ADAMTS17: variants seen among roughly 807,000 people sequenced by gnomAD.
The protein encoded by ADAMTS17 is ADAM metallopeptidase with thrombospondin type 1 motif 17, also known as A disintegrin and metalloproteinase with thrombospondin motifs 17.
ADAMTS17 carries 113 observed loss-of-function variants against 141.5 expected under a neutral mutation model. The observed-to-expected ratio is 0.80, with a 90% CI of 0.69 to 0.93. ADAMTS17 has a LOEUF of 0.93. ADAMTS17 is among the 40% of genes least tolerant of loss of function. The pLI is 0.00. For missense variants in ADAMTS17, 1,659 were observed against 1,517.9 expected, an observed-to-expected ratio of 1.09 and a Z score of -1.54; for synonymous variants, 768 against 630.6, an observed-to-expected ratio of 1.22 and a Z score of -3.27.
chr15:100,266,345 C>CCAG (rs2043715962), intron 4 of ADAMTS17, among the ~76,000 whole-genome samples: 1 of 152,200 alleles, frequency 6.6e-6, no homozygotes, highest in African/African-American at 2.4e-5. Context: ...AACTGCAGGG[C>CCAG]CAGAGTGCTG....
intron 3 of ADAMTS17, among the ~76,000 whole-genome samples, chr15:100,326,143 T>C (rs2045894241): frequency 6.6e-6 from 1 of 152,212 alleles, no homozygotes; most frequent in South Asian, 2.1e-4. Context: ...CTTTTTTCTC[T>C]TTGCGGAATA....
chr15:100,309,986 G>A (rs1331668418), intron 3 of ADAMTS17, among the ~76,000 whole-genome samples: 7 of 152,220 alleles, frequency 4.6e-5, no homozygotes, highest in African/African-American at 9.7e-5. Context: ...TGCCGGCAAG[G>A]GACAATGTGC....
At chr15:100,307,827 C>T (rs57558738) in intron 3 of ADAMTS17, among the ~76,000 whole-genome samples, 1,971 of 152,350 alleles carry the variant, frequency 0.013, 46 homozygotes, top group African/African-American at 0.045. Flanking sequence ...CTGCCACCCA[C>T]CACACAGCCC....
At chr15:99,995,917 C>T (rs534969745) in intron 19 of ADAMTS17, among the ~76,000 whole-genome samples, 17 of 152,310 alleles carry the variant, frequency 1.1e-4, no homozygotes, top group Non-Finnish European at 2.2e-4. Context: ...GATACAGACA[C>T]AGAGAAATTT....
intron 10 of ADAMTS17, among the ~76,000 whole-genome samples, chr15:100,146,567 A>G (rs11247160): frequency 0.62 from 94,706 of 152,132 alleles, 31,793 homozygotes; most frequent in East Asian, 0.85. Context: ...TGTTTGAACA[A>G]ATATGAAATC....
At chr15:100,024,974 C>T (rs1455051877) in intron 18 of ADAMTS17, among the ~76,000 whole-genome samples, 2 of 152,214 alleles carry the variant, frequency 1.3e-5, no homozygotes, top group East Asian at 1.9e-4. Context: ...ACTTGATTCC[C>T]AATTAGATAA....
At chr15:100,294,259 T>G (rs2044734531) in intron 3 of ADAMTS17, among the ~76,000 whole-genome samples, 1 of 152,090 alleles carries the variant, frequency 6.6e-6, no homozygotes, top group Admixed American at 6.5e-5. Flanking sequence ...ATAGCAAACT[T>G]GGATTGCTTT....
At chr15:100,108,403 T>C (rs2036538814) in intron 14 of ADAMTS17, among the ~76,000 whole-genome samples, 3 of 152,186 alleles carry the variant, frequency 2.0e-5, no homozygotes, top group Non-Finnish European at 4.4e-5. Flanking sequence ...CTTGAACTCC[T>C]GGTCTTATGA....
chr15:100,001,362 T>C (rs991700181), intron 18 of ADAMTS17, among the ~76,000 whole-genome samples: 1 of 152,056 alleles, frequency 6.6e-6, no homozygotes, highest in African/African-American at 2.4e-5. Context: ...CCTTTTTTTT[T>C]TTTTTTTAAA....
intron 15 of ADAMTS17, among the ~76,000 whole-genome samples, chr15:100,064,380 C>T (rs148738543): frequency 2.0e-4 from 30 of 152,272 alleles, no homozygotes; most frequent in East Asian, 9.6e-4. Flanking sequence ...ACCTAGTTTG[C>T]GGCACTTTGT....
intron 7 of ADAMTS17, among the ~76,000 whole-genome samples, chr15:100,203,645 C>T (rs2041424160): frequency 6.6e-6 from 1 of 152,200 alleles, no homozygotes; most frequent in South Asian, 2.1e-4. Context: ...GTGGAGCTTG[C>T]AGTGAGCCGA....
chr15:100,041,828 G>C (rs1031498628), intron 18 of ADAMTS17, among the ~76,000 whole-genome samples: 4 of 152,172 alleles, frequency 2.6e-5, no homozygotes, highest in African/African-American at 9.7e-5. Context: ...AAACTGTCAG[G>C]AACTCAATGG....
At chr15:100,241,906 G>C (rs1243742747) in intron 7 of ADAMTS17, among the ~76,000 whole-genome samples, 1 of 152,190 alleles carries the variant, frequency 6.6e-6, no homozygotes, top group South Asian at 2.1e-4. Flanking sequence ...CTAAATAGTA[G>C]CCAGGCCCAG....
At chr15:100,210,222 C>A (rs1469437426) in intron 7 of ADAMTS17, among the ~76,000 whole-genome samples, 2 of 105,700 alleles carry the variant, frequency 1.9e-5, no homozygotes, top group East Asian at 5.8e-4. Context: ...CAAAGCGAGA[C>A]TCCATCTCAA....
At chr15:100,183,062 C>A (rs188405144) in intron 8 of ADAMTS17, among the ~76,000 whole-genome samples, 128 of 152,218 alleles carry the variant, frequency 8.4e-4, no homozygotes, top group African/African-American at 2.8e-3. Flanking sequence ...GATCTCAGCT[C>A]ACTGCAACTT....
intron 18 of ADAMTS17, among the ~76,000 whole-genome samples, chr15:100,014,355 T>A (rs376624657): frequency 1.3e-5 from 2 of 152,148 alleles, no homozygotes; most frequent in African/African-American, 4.8e-5. Context: ...TATCTTTTTT[T>A]AAATTCAATT....
intron 10 of ADAMTS17, 68 bp from the exon 11 acceptor site, chr15:100,133,383 G>A (rs1164541255): frequency 8.8e-6 from 13 of 1,470,780 alleles, no homozygotes; most frequent in Non-Finnish European, 1.2e-5. Flanking sequence ...GCTGGGGTCA[G>A]AGGTGTGGCC....
At chr15:100,198,280 G>A (rs978934445) in intron 8 of ADAMTS17, among the ~76,000 whole-genome samples, 1 of 152,072 alleles carries the variant, frequency 6.6e-6, no homozygotes, top group Non-Finnish European at 1.5e-5. Context: ...CTCATTAAAA[G>A]GCATCACTCA....
intron 15 of ADAMTS17, among the ~76,000 whole-genome samples, chr15:100,078,677 C>T (rs897423240): frequency 6.6e-6 from 1 of 152,168 alleles, no homozygotes; most frequent in African/African-American, 2.4e-5. Context: ...TTCTTAGACA[C>T]AGCAGCAAAA....
Sources: gnomAD v4.1 joint callset for allele counts (sites outside exome capture counted in the v4.1 genomes callset) on GRCh38, gnomAD v4.1.1 for gene constraint, MANE v1.5 for transcripts, NCBI Gene and HGNC (gene_info 2026-07-23, HGNC 2026-07-21) for gene names.